GRIN2D: variants seen among roughly 807,000 people sequenced by gnomAD.
GRIN2D encodes glutamate receptor ionotropic, NMDA 2D.
In GRIN2D, 37 loss-of-function variants were observed where a neutral mutation model predicts 103.2. The observed-to-expected ratio is 0.36, with a 90% CI of 0.28 to 0.47. GRIN2D has a LOEUF of 0.47. Among genes scored for constraint, GRIN2D ranks in the 20% least tolerant of loss-of-function variants. The probability of loss-of-function intolerance (pLI) is 1.00; values close to 1 mark genes in which losing one functional copy is unlikely to be tolerated. For synonymous variants in GRIN2D, 845 were observed against 885.6 expected (o/e 0.95, Z 0.81); for missense variants, 1,557 against 1,910.6 (o/e 0.81, Z 3.45).
intron 3 of GRIN2D, among the ~76,000 whole-genome samples, chr19:48,399,683 C>T (rs1970685249): frequency 6.6e-6 from 1 of 152,114 alleles, no homozygotes; most frequent in African/African-American, 2.4e-5. Context: ...GGGAGGCGTT[C>T]GGCCGGTAGA....
At position 48,443,316 on chromosome 19, in the gene GRIN2D, G is replaced by T. The variant is rs1971330875; in HGVS notation, c.3390G>T (p.Glu1130Asp). The T allele has an allele frequency of 2.6e-6, 4 of 1,542,834 alleles. No individual in the cohort carries two copies. The highest frequency in any genetic ancestry group is 3.5e-6 in the Non-Finnish European group (4 of 1,154,688). Reference sequence around the variant, plus strand: ...GCGGCGCGTCGCTGGGCGGCCTGGAGCCCTGGTGGTTCGCCGACTTCCCTT... The same window carrying T: ...GCGGCGCGTCGCTGGGCGGCCTGGATCCCTGGTGGTTCGCCGACTTCCCTT... ...SLGGASLGGL[E>D]PWWFADFPYP... is the part of the protein sequence containing the mutation. Residue 1130 changes from glutamate (E) to aspartate (D), a missense_variant, in exon 14 of 14, where the codon GAG becomes GAT. Glu to Asp is a conservative substitution (Grantham distance 45). This residue lies in a region of GRIN2D where 632 missense variants were observed against 572.8 expected (regional missense o/e 1.10). Coordinates refer to ENST00000263269, the MANE Select transcript of GRIN2D (RefSeq NM_000836.4). This position sits in a 1 kb window ranked among gnomAD's most constrained non-coding sequence, Gnocchi z 8.9.
At chr19:48,401,384 T>C (rs564826241) in intron 3 of GRIN2D, among the ~76,000 whole-genome samples, 13 of 152,248 alleles carry the variant, frequency 8.5e-5, no homozygotes, top group African/African-American at 3.1e-4. Context: ...CAGGATGTTG[T>C]AATGACTGAG....
intron 3 of GRIN2D, among the ~76,000 whole-genome samples, chr19:48,402,682 G>T (rs1427155242): frequency 6.9e-6 from 1 of 144,078 alleles, no homozygotes; most frequent in Non-Finnish European, 1.5e-5. Flanking sequence ...GCGCCACTGC[G>T]GTCCGCAGTC....
chr19:48,428,044 C>CT (rs549084356), intron 11 of GRIN2D, among the ~76,000 whole-genome samples: 4,216 of 120,528 alleles, frequency 0.035, 115 homozygotes, highest in African/African-American at 0.051. Context: ...TGGCCAAGTT[C>CT]TTTTTTTTTT....
chr19:48,397,496 T>C lies in GRIN2D; in HGVS notation c.-26-871T>C, dbSNP rs1004164352. The stretch of plus-strand genomic sequence containing the variant: ...GCTCCGCTCTGCCTGCCTCCCTCAA[T>C]CTCAATTGTTTCCCCATCCTTTATG... On this transcript the variant is annotated intron_variant, in intron 2 of 13. Transcript: ENST00000263269. Among the ~76,000 whole-genome samples, 12 of 152,014 alleles carry C rather than the reference T, an allele frequency of 7.9e-5. No homozygotes were observed. In the South Asian group the frequency reaches 2.1e-3, roughly 26 times the overall value.
In GRIN2D at chr19:48,442,004, G is replaced by T; in HGVS notation, c.2440+48G>T. ...CCACAGCGGAGAGGGGGAGGGCGAGGCCCCTGGGTTCCGGGGAAGAAAGGG... is the reference window on the plus strand; with the variant it reads ...CCACAGCGGAGAGGGGGAGGGCGAGTCCCCTGGGTTCCGGGGAAGAAAGGG... On this transcript the variant is annotated intron_variant, in intron 12 of 13. Coordinates refer to ENST00000263269, the MANE Select transcript of GRIN2D (RefSeq NM_000836.4). This position sits in a 1 kb window ranked among gnomAD's most constrained non-coding sequence, Gnocchi z 7.2. The T allele has an allele frequency of 1.9e-6, 3 of 1,552,600 alleles. No individual in the cohort carries two copies. The highest frequency in any genetic ancestry group is 2.6e-6 in the Non-Finnish European group (3 of 1,141,702).
chr19:48,427,391 A>G (rs1370613635), intron 11 of GRIN2D, among the ~76,000 whole-genome samples: 1 of 147,230 alleles, frequency 6.8e-6, no homozygotes, highest in Non-Finnish European at 1.5e-5. Flanking sequence ...CACTCTCATC[A>G]GCAATGCAAG....
At chr19:48,402,765 C>CGAGAGAGAGA (rs35263933) in intron 3 of GRIN2D, among the ~76,000 whole-genome samples, 3,097 of 108,926 alleles carry the variant, frequency 0.028, 68 homozygotes, top group African/African-American at 0.041. Context: ...TACTCCTTTA[C>CGAGAGAGAGA]GAGAGAGAGA....
In GRIN2D at chr19:48,398,799, A is replaced by G; in HGVS notation, c.407A>G (p.Gln136Arg). Reference sequence around the variant, plus strand: ...CCCATCCTCGACTTCCTGTCGGCGCAGACCTCGCTGCCCATCGTGGCCGTG... The same window carrying G: ...CCCATCCTCGACTTCCTGTCGGCGCGGACCTCGCTGCCCATCGTGGCCGTG... Reference protein sequence around the residue: ...VAPILDFLSAQTSLPIVAVHG... With the variant: ...VAPILDFLSARTSLPIVAVHG... The change falls in exon 3 of 14, where the codon CAG becomes CGG. Residue 136 changes from glutamine (Q) to arginine (R), a missense_variant. Around this residue, in one of 7 missense-constraint regions of GRIN2D, gnomAD observed 490 missense variants for 601.1 expected, o/e 0.82. Coordinates refer to ENST00000263269, the MANE Select transcript of GRIN2D (RefSeq NM_000836.4). 6.9e-7 allele frequency: 1 copy of G among 1,456,536 alleles called. No individual in the cohort carries two copies. The highest frequency in any genetic ancestry group is 3.0e-5 in the East Asian group (1 of 32,858). The allele number at this position is 1,456,536 out of a possible 1,614,324, so 90.2% of individuals were successfully genotyped here. A position where few individuals can be genotyped will look rare whatever the true frequency, so the allele number is the denominator to read the frequency against.
chr19:48,409,562 C>T (rs1390010646), intron 4 of GRIN2D, among the ~76,000 whole-genome samples: 1 of 152,010 alleles, frequency 6.6e-6, no homozygotes, highest in African/African-American at 2.4e-5. Context: ...CGGGCGTGAG[C>T]CACTGCACCT....
intron 9 of GRIN2D, 23 bp downstream of exon 9, chr19:48,419,382 C>T (rs1398883749): frequency 1.7e-5 from 27 of 1,586,894 alleles, no homozygotes; most frequent in Non-Finnish European, 2.3e-5. Context: ...TCCTCCATCC[C>T]CCGCCTCGGA....
rs1185542052 is a variant in GRIN2D at position 48,420,833 on chromosome 19, TA to T, written c.2092-944del. ...CTGGGTGACAGAGCGAGACTCTGCC[TA>T]AAAAAAAGCCAAACTCACATTTTTA... On this transcript the variant is annotated intron_variant, in intron 10 of 13. Coordinates refer to ENST00000263269, the MANE Select transcript of GRIN2D (RefSeq NM_000836.4). Among the ~76,000 whole-genome samples, 5 of 151,806 alleles carry T rather than the reference TA, an allele frequency of 3.3e-5. No individual in the cohort carries two copies. In the East Asian group the frequency reaches 9.6e-4, roughly 29 times the overall value.
rs1216030067 is a variant in GRIN2D, at chr19:48,442,709, G to A, written c.2783G>A (p.Gly928Glu). 2 of 1,148,284 alleles carry A rather than the reference G, an allele frequency of 1.7e-6. No homozygotes were observed. The highest frequency in any genetic ancestry group is 4.6e-5 in the East Asian group (1 of 21,544). The allele number at this position is 1,148,284 out of a possible 1,614,324, so 71.1% of individuals were successfully genotyped here. Reference protein sequence around the residue: ...PAYPAPRPAPGPAPFVPRERA... With the variant: ...PAYPAPRPAPEPAPFVPRERA... ...TACCCCGCGCCGCGGCCGGCTCCCG[G>A]GCCCGCACCTTTCGTGCCCCGCGAG... Residue 928 changes from glycine (G) to glutamate (E), a missense_variant, in exon 14 of 14, where the codon GGG (glycine) becomes GAG (glutamate). Gly to Glu is a moderately conservative substitution (Grantham distance 98, BLOSUM62 -2). Around this residue, in one of 7 missense-constraint regions of GRIN2D, gnomAD observed 632 missense variants for 572.8 expected, o/e 1.10. Transcript: ENST00000263269. This position sits in a 1 kb window ranked among gnomAD's most constrained non-coding sequence, Gnocchi z 7.2.
At chr19:48,412,987 T>G (rs1209897100) in intron 4 of GRIN2D, among the ~76,000 whole-genome samples, 2 of 132,948 alleles carry the variant, frequency 1.5e-5, no homozygotes, top group Admixed American at 1.6e-4. Context: ...AATACAAAAA[T>G]TAGCTGGACA....
intron 3 of GRIN2D, among the ~76,000 whole-genome samples, chr19:48,400,637 G>A (rs1347420243): frequency 2.0e-5 from 3 of 152,150 alleles, no homozygotes; most frequent in African/African-American, 7.2e-5. Flanking sequence ...GGGAAATGTA[G>A]TCCCCGTGCT....
rs1357796003 is a variant in GRIN2D, at chr19:48,419,665, G to A, written c.1942G>A (p.Glu648Lys). 6.2e-7 allele frequency: 1 copy of A among 1,613,618 alleles called. No individual in the cohort carries two copies. Among genetic ancestry groups the A allele is most frequent in the African/African-American group, 1.3e-5 (1 of 74,760 alleles). ...ALVFNNSVPV[E>K]NPRGTTSKIM... The stretch of plus-strand genomic sequence containing the variant: ...GGTGTTCAATAATTCGGTGCCCGTG[G>A]AGAACCCCCGGGGAACCACCAGCAA... The change falls in exon 10 of 14, where the codon GAG (glutamate) becomes AAG (lysine). Residue 648 changes from glutamate to lysine, a missense_variant. Glu to Lys is a moderately conservative substitution (Grantham distance 56). Coordinates refer to ENST00000263269, the MANE Select transcript of GRIN2D (RefSeq NM_000836.4).
intron 3 of GRIN2D, among the ~76,000 whole-genome samples, chr19:48,404,357 G>A (rs1970755691): frequency 6.6e-6 from 1 of 151,842 alleles, no homozygotes; most frequent in Non-Finnish European, 1.5e-5. Context: ...CCCTTCAGAG[G>A]ACTAAGCTTC....
At chr19:48,427,534 C>T (rs1019344887) in intron 11 of GRIN2D, among the ~76,000 whole-genome samples, 4 of 125,704 alleles carry the variant, frequency 3.2e-5, no homozygotes, top group Non-Finnish European at 4.7e-5. Context: ...GGCTGGAGTG[C>T]AGTGGCGCGA....
At chr19:48,412,352 C>A (rs933885841) in intron 4 of GRIN2D, among the ~76,000 whole-genome samples, 4 of 131,416 alleles carry the variant, frequency 3.0e-5, no homozygotes, top group South Asian at 2.5e-4. Context: ...TAAATACATA[C>A]ATACATACAT....
Sources: gnomAD v4.1 joint callset for allele counts (sites outside exome capture counted in the v4.1 genomes callset) on GRCh38, gnomAD v4.1.1 for gene constraint, gnomAD v4.1.1 regional missense constraint, Gnocchi (gnomAD v3.1) non-coding constraint, MANE v1.5 for transcripts, NCBI Gene and HGNC (gene_info 2026-07-23, HGNC 2026-07-21) for gene names.